CBL: variants seen among roughly 807,000 people sequenced by gnomAD.
The protein encoded by CBL is E3 ubiquitin-protein ligase CBL.
CBL carries 45 observed loss-of-function variants against 96.9 expected under a neutral mutation model. That is an observed-to-expected ratio of 0.46 (90% CI 0.37 to 0.60). The LOEUF (loss-of-function observed/expected upper bound fraction) is 0.60, where lower values mean the gene tolerates loss of function less well. Ranked by LOEUF, CBL falls within the 20% of genes least tolerant of loss-of-function variation. CBL has a pLI of 0.00. For synonymous variants in CBL, 420 were observed against 426.8 expected, an observed-to-expected ratio of 0.98 and a Z score of 0.20; for missense variants, 1,024 against 1,143.5, an observed-to-expected ratio of 0.90 and a Z score of 1.51.
Position 119,303,791 on chromosome 11 carries a change from A to G in CBL, c.*4010A>G, listed in dbSNP as rs1475376515. The G allele has an allele frequency of 4.3e-6, 1 of 233,592 alleles. No individual in the cohort carries two copies. Among genetic ancestry groups the G allele is most frequent in the Non-Finnish European group, 8.5e-6 (1 of 118,062 alleles). The allele number at this position is 233,592 out of a possible 1,614,324, so 14.5% of individuals were successfully genotyped here. ...ACAGTAGGGCATTAAATGTTTAAGC[A>G]AAGCATCTGCCCACACTCCCCTTTC... On this transcript the variant is annotated 3_prime_UTR_variant, in exon 16 of 16. Coordinates refer to ENST00000264033, the MANE Select transcript of CBL (RefSeq NM_005188.4).
chr11:119,209,834 T>C (rs1416680158), intron 1 of CBL, among the ~76,000 whole-genome samples: 1 of 152,202 alleles, frequency 6.6e-6, no homozygotes, highest in Non-Finnish European at 1.5e-5. Flanking sequence ...AAGTCATGGG[T>C]TCTGGTTAAC....
At chr11:119,293,960 C>T (rs994677284) in intron 12 of CBL, among the ~76,000 whole-genome samples, 2 of 152,150 alleles carry the variant, frequency 1.3e-5, no homozygotes, top group African/African-American at 4.8e-5. Flanking sequence ...GTTCAAAACC[C>T]CTAATACAGG....
At chr11:119,211,904 T>G (rs1422065983) in intron 1 of CBL, among the ~76,000 whole-genome samples, 1 of 152,048 alleles carries the variant, frequency 6.6e-6, no homozygotes, top group Non-Finnish European at 1.5e-5. Flanking sequence ...TAGGTTTGAA[T>G]TTTATTTTTA....
At chr11:119,264,670 C>T (rs114375173) in intron 2 of CBL, among the ~76,000 whole-genome samples, 2,619 of 150,060 alleles carry the variant, frequency 0.017, 63 homozygotes, top group African/African-American at 0.058. Context: ...TTTGTAGAGA[C>T]GGACTTTCAC....
chr11:119,272,226 A>G (rs1012520552), intron 3 of CBL, among the ~76,000 whole-genome samples: 1 of 152,078 alleles, frequency 6.6e-6, no homozygotes, highest in Non-Finnish European at 1.5e-5. Flanking sequence ...GGTTCATGCC[A>G]TTCTCCTGCC....
Position 119,304,220 on chromosome 11 carries a change from T to C in CBL, c.*4439T>C, listed in dbSNP as rs1246318972. The C allele has an allele frequency of 4.3e-6, 1 of 233,206 alleles. No homozygotes were observed. The highest frequency in any genetic ancestry group is 2.2e-5 in the African/African-American group (1 of 45,354). 14.4% of individuals were successfully genotyped at this position (233,206 alleles called of 1,614,324 possible). On this transcript the variant is annotated 3_prime_UTR_variant, in exon 16 of 16. Coordinates refer to ENST00000264033, the MANE Select transcript of CBL (RefSeq NM_005188.4). ...CAATCTAAAATACTGTAACTCAGCATAAACTATTACTATCACTCCTTTGAA... is the reference window on the plus strand; with the variant it reads ...CAATCTAAAATACTGTAACTCAGCACAAACTATTACTATCACTCCTTTGAA...
chr11:119,225,724 CTTTTTTTTTT>C (rs57084908), intron 1 of CBL, among the ~76,000 whole-genome samples: 3 of 102,456 alleles, frequency 2.9e-5, no homozygotes, highest in African/African-American at 8.0e-5. Flanking sequence ...TAAATATTTT[CTTTTTTTTTT>C]TTTTTTTTTT....
intron 1 of CBL, among the ~76,000 whole-genome samples, chr11:119,219,367 ACTCTGT>A (rs1385344396): frequency 1.4e-5 from 2 of 143,252 alleles, no homozygotes; most frequent in African/African-American, 2.5e-5. Context: ...ACAGAGTGAG[ACTCTGT>A]CTCAAAAAAA....
chr11:119,245,698 C>T (rs187595992), intron 2 of CBL, among the ~76,000 whole-genome samples: 167 of 152,192 alleles, frequency 1.1e-3, no homozygotes, highest in African/African-American at 3.7e-3. Context: ...CATTGCGCTC[C>T]AGCCTGGGTG....
At chr11:119,271,590 T>A in intron 2 of CBL, 145 bp from the exon 3 acceptor site, 3 of 740,916 alleles carry the variant, frequency 4.0e-6, no homozygotes, top group Non-Finnish European at 6.8e-6. Flanking sequence ...CCTTGAATAA[T>A]ACTGGCCAGA....
chr11:119,220,004 C>T (rs1031576434), intron 1 of CBL, among the ~76,000 whole-genome samples: 2 of 152,098 alleles, frequency 1.3e-5, no homozygotes, highest in African/African-American at 4.8e-5. Context: ...TGTGCGCCAC[C>T]ACGCCCGGCT....
intron 2 of CBL, among the ~76,000 whole-genome samples, chr11:119,246,029 C>T (rs1305784964): frequency 1.7e-5 from 2 of 119,976 alleles, no homozygotes; most frequent in Non-Finnish European, 3.2e-5. Flanking sequence ...GGCTGGAGTG[C>T]AGCGGCGCGA....
At position 119,306,067 on chromosome 11, in the gene CBL, A is replaced by G. The variant is rs1377254605; in HGVS notation, c.*6286A>G. The G allele has an allele frequency of 2.6e-6, 1 of 385,670 alleles. No homozygotes were observed. Among genetic ancestry groups the G allele is most frequent in the Non-Finnish European group, 4.6e-6 (1 of 218,194 alleles). 23.9% of individuals were successfully genotyped at this position (385,670 alleles called of 1,614,324 possible). A position where few individuals can be genotyped will look rare whatever the true frequency, so the allele number is the denominator to read the frequency against. ...AAATCTGGGTTGGTTCCAGTGGGAA[A>G]TACCAGTATTTCTTGGTTCTGGAAA... On this transcript the variant is annotated 3_prime_UTR_variant, in exon 16 of 16. Transcript: ENST00000264033.
At chr11:119,270,833 G>GC (rs1434711995) in intron 2 of CBL, among the ~76,000 whole-genome samples, 1 of 152,154 alleles carries the variant, frequency 6.6e-6, no homozygotes, top group East Asian at 1.9e-4. Flanking sequence ...GCCCACTTTG[G>GC]CGTCCTATAG....
At position 119,274,927 on chromosome 11, in the gene CBL, C is replaced by T. The variant is rs1342695875; in HGVS notation, c.843C>T (p.Leu281=). Reference sequence around the variant, plus strand: ...CGTATGACGAAGTGAAAGCTCGGCTCCAGAAATTCATTCACAAACCTGGCA... The same window carrying T: ...CGTATGACGAAGTGAAAGCTCGGCTTCAGAAATTCATTCACAAACCTGGCA... ...FLTYDEVKAR[L]QKFIHKPGSY... Residue 281 remains leucine, a synonymous_variant, in exon 5 of 16, where the codon CTC becomes CTT. Transcript: ENST00000264033. 1.2e-6 allele frequency: 2 copies of T among 1,613,998 alleles called. No homozygotes were observed. Among genetic ancestry groups the T allele is most frequent in the Non-Finnish European group, 1.7e-6 (2 of 1,179,964 alleles).
chr11:119,293,232 G>T (rs1950041675), intron 12 of CBL, among the ~76,000 whole-genome samples: 1 of 151,932 alleles, frequency 6.6e-6, no homozygotes, highest in South Asian at 2.1e-4. Flanking sequence ...AGCCTCCTGA[G>T]TAGCTAGGAT....
At chr11:119,287,723 GAT>G in intron 11 of CBL, 127 bp from the exon 12 acceptor site, 1 of 722,970 alleles carries the variant, frequency 1.4e-6, no homozygotes, top group Non-Finnish European at 2.5e-6. Flanking sequence ...GGTCAGATGT[GAT>G]AACCCCTGGG....
At chr11:119,206,668 G>C (rs903211457) in intron 1 of CBL, 56 bp downstream of exon 1, 68 of 1,509,956 alleles carry the variant, frequency 4.5e-5, no homozygotes, top group Non-Finnish European at 5.9e-5. Context: ...GGAGGGCCGC[G>C]GGGAGGGGAA....
chr11:119,288,673 C>T (rs537171737), intron 12 of CBL, among the ~76,000 whole-genome samples: 45 of 152,288 alleles, frequency 3.0e-4, no homozygotes, highest in African/African-American at 8.4e-4. Context: ...TATACCAGAA[C>T]GCACATGGTC....
Sources: allele counts gnomAD v4.1 joint callset (sites outside exome capture counted in the v4.1 genomes callset), GRCh38; gene constraint gnomAD v4.1.1; transcripts MANE v1.5; gene names NCBI Gene and HGNC (gene_info 2026-07-23, HGNC 2026-07-21).